Variants in USP22 observed in about 807,000 individuals in gnomAD.
The protein encoded by USP22 is ubiquitin carboxyl-terminal hydrolase 22.
A neutral mutation model predicts 68.1 loss-of-function variants in USP22; 22 were observed. The ratio of observed to expected loss-of-function variants is 0.32; its 90% confidence interval spans 0.23 to 0.46. The LOEUF (loss-of-function observed/expected upper bound fraction) is 0.46, where lower values mean the gene tolerates loss of function less well. USP22 is among the 20% of genes least tolerant of loss of function. The pLI is 1.00. For synonymous variants in USP22, 279 were observed against 274.2 expected, an observed-to-expected ratio of 1.02 and a Z score of -0.17; for missense variants, 433 against 695.8, an observed-to-expected ratio of 0.62 and a Z score of 4.25.
intron 10 of USP22, chr17:21,006,677 G>T (rs75568568): frequency 0.19 from 47,657 of 252,500 alleles, 5,314 homozygotes; most frequent in South Asian, 0.23. Flanking sequence ...GCTAATTTTT[G>T]TATTTTTAGT....
At chr17:21,012,331 C>A (rs1479261043) in intron 7 of USP22, among the ~76,000 whole-genome samples, 3 of 152,128 alleles carry the variant, frequency 2.0e-5, no homozygotes. Context: ...CCTGACCTAA[C>A]AAAGCAATGG....
rs1455682051 is a variant in USP22 at position 21,037,939 on chromosome 17, C to T, written c.171+4726G>A. On this transcript the variant is annotated intron_variant, in intron 1 of 12. Transcript: ENST00000261497. Reference sequence around the variant, plus strand: ...ACAGGATTACTCTATTTTCTTACACCAGTATGTCAATCTACAATGACCTCA... The same window carrying T: ...ACAGGATTACTCTATTTTCTTACACTAGTATGTCAATCTACAATGACCTCA... Among the ~76,000 whole-genome samples, 5 of 152,124 alleles carry T rather than the reference C, an allele frequency of 3.3e-5. No homozygotes were observed. The East Asian group carries it at 9.6e-4, about 29-fold the overall frequency.
At chr17:21,013,082 G>A (rs1330759065) in intron 6 of USP22, 147 bp from the exon 7 acceptor site, 5 of 601,702 alleles carry the variant, frequency 8.3e-6, no homozygotes, top group East Asian at 5.6e-5. Context: ...TTTAGCAGAG[G>A]GTGTCCTTGT....
At chr17:21,013,083 G>C (rs571220259) in intron 6 of USP22, 148 bp from the exon 7 acceptor site, 3 of 604,928 alleles carry the variant, frequency 5.0e-6, no homozygotes, top group Non-Finnish European at 8.7e-6. Flanking sequence ...TTAGCAGAGG[G>C]TGTCCTTGTT....
At position 21,001,284 on chromosome 17, in the gene USP22, G is replaced by A. The variant is rs1913568237; in HGVS notation, c.*1747C>T. 6.6e-6 allele frequency: 1 copy of A among 152,162 alleles called. No individual in the cohort carries two copies. Among genetic ancestry groups the A allele is most frequent in the African/African-American group, 2.4e-5 (1 of 41,414 alleles). The allele number at this position is 152,162 out of a possible 1,614,324, so 9.4% of individuals were successfully genotyped here. A position where few individuals can be genotyped will look rare whatever the true frequency, so the allele number is the denominator to read the frequency against. ...CCTCAGGCTTCTGCCACACATGATG[G>A]TTCTGCGGGCTGTGATTGCCAAGTC... On this transcript the variant is annotated 3_prime_UTR_variant, in exon 13 of 13. Coordinates refer to ENST00000261497, the MANE Select transcript of USP22 (RefSeq NM_015276.2).
At chr17:21,020,256 A>AAAAAAAAAAAAAAAAAAAG (rs1972138244) in intron 3 of USP22, among the ~76,000 whole-genome samples, 2 of 148,330 alleles carry the variant, frequency 1.3e-5, no homozygotes, top group Non-Finnish European at 3.0e-5. Context: ...AAAAAAAAAA[A>AAAAAAAAAAAAAAAAAAAG]AAAAAAAAAA....
intron 12 of USP22, 51 bp downstream of exon 12, chr17:21,004,151 G>T (rs2143506947): frequency 1.3e-6 from 2 of 1,597,888 alleles, no homozygotes; most frequent in Middle Eastern, 1.8e-4. Flanking sequence ...TATACCGGAG[G>T]GGAAGCACCG....
intron 1 of USP22, among the ~76,000 whole-genome samples, chr17:21,039,194 G>T (rs1597703196): frequency 6.6e-6 from 1 of 151,430 alleles, no homozygotes; most frequent in Non-Finnish European, 1.5e-5. Context: ...CTCGTGATCC[G>T]CCCGCCTCGG....
At chr17:21,040,437 C>A (rs1401646584) in intron 1 of USP22, among the ~76,000 whole-genome samples, 2 of 152,204 alleles carry the variant, frequency 1.3e-5, no homozygotes, top group Non-Finnish European at 2.9e-5. Context: ...GGCACACTGC[C>A]AACTGGCACT....
intron 10 of USP22, among the ~76,000 whole-genome samples, chr17:21,006,281 T>C (rs548278385): frequency 4.9e-4 from 74 of 152,206 alleles, no homozygotes; most frequent in Non-Finnish European, 8.8e-4. Flanking sequence ...CAAAACCAAC[T>C]ATGTCTGCCT....
chr17:21,002,923 A>G lies in USP22; in HGVS notation c.*108T>C. 1 of 1,353,140 alleles carries G rather than the reference A, an allele frequency of 7.4e-7. No individual in the cohort carries two copies. The highest frequency in any genetic ancestry group is 1.0e-6 in the Non-Finnish European group (1 of 969,398). The allele number at this position is 1,353,140 out of a possible 1,614,324, so 83.8% of individuals were successfully genotyped here. A position where few individuals can be genotyped will look rare whatever the true frequency, so the allele number is the denominator to read the frequency against. On this transcript the variant is annotated 3_prime_UTR_variant, in exon 13 of 13. Coordinates refer to ENST00000261497, the MANE Select transcript of USP22 (RefSeq NM_015276.2). ...CATCTGCATGGGAGGTGGTGTCACC[A>G]GGCCGGGGAGGCGGCGGGAGACTTG...
At chr17:21,003,301 G>A (rs1913656436) in intron 12 of USP22, among the ~76,000 whole-genome samples, 2 of 152,148 alleles carry the variant, frequency 1.3e-5, no homozygotes, top group Admixed American at 1.3e-4. Flanking sequence ...CCTGCCACGA[G>A]GTCACCCATT....
At chr17:21,015,191 C>G (rs145344690) in intron 6 of USP22, among the ~76,000 whole-genome samples, 114 of 152,344 alleles carry the variant, frequency 7.5e-4, no homozygotes, top group African/African-American at 2.7e-3. Flanking sequence ...CCACACAACT[C>G]TGAAAAATCA....
At chr17:21,041,443 C>G (rs1429551030) in intron 1 of USP22, among the ~76,000 whole-genome samples, 1 of 151,750 alleles carries the variant, frequency 6.6e-6, no homozygotes, top group African/African-American at 2.4e-5. Flanking sequence ...ACTAAAAATA[C>G]AAAAATTAGC....
intron 2 of USP22, among the ~76,000 whole-genome samples, chr17:21,024,461 T>C (rs1039888462): frequency 3.9e-5 from 6 of 152,168 alleles, no homozygotes; most frequent in African/African-American, 1.4e-4. Flanking sequence ...ATAGGGTATC[T>C]CTGTAACAAA....
chr17:21,010,571 G>C (rs768194837), intron 8 of USP22, among the ~76,000 whole-genome samples: 4 of 100,722 alleles, frequency 4.0e-5, no homozygotes, highest in Non-Finnish European at 7.8e-5. Flanking sequence ...CAGCTACTCA[G>C]GAGAATCACT....
rs72840104 is a variant in USP22, at chr17:21,006,074, A to G, written c.1322+822T>C. 7.6e-3 allele frequency among the ~76,000 whole-genome samples: 1,162 copies of G among 152,350 alleles called. 15 individuals carry two copies. The highest frequency in any genetic ancestry group is 0.015 in the Admixed American group (233 of 15,308). On this transcript the variant is annotated intron_variant, in intron 10 of 12. Transcript: ENST00000261497. ...GGAATCCCCAAGACCCTTGTAGGACATGGAGCCCTGCCAACACCTTGATTT... is the reference window on the plus strand; with the variant it reads ...GGAATCCCCAAGACCCTTGTAGGACGTGGAGCCCTGCCAACACCTTGATTT...
chr17:21,008,519 G>C (rs1042224469), intron 8 of USP22, among the ~76,000 whole-genome samples: 1 of 152,178 alleles, frequency 6.6e-6, no homozygotes, highest in Non-Finnish European at 1.5e-5. Context: ...AATCTCAAAG[G>C]GTTCCGTTAT....
At chr17:21,005,671 AC>A (rs1374706578) in intron 10 of USP22, among the ~76,000 whole-genome samples, 6 of 152,288 alleles carry the variant, frequency 3.9e-5, no homozygotes, top group African/African-American at 1.4e-4. Context: ...CAGGGGTGGG[AC>A]AGCCATGAGA....
Sources: gnomAD v4.1 joint callset for allele counts (sites outside exome capture counted in the v4.1 genomes callset) on GRCh38, gnomAD v4.1.1 for gene constraint, MANE v1.5 for transcripts, NCBI Gene and HGNC (gene_info 2026-07-23, HGNC 2026-07-21) for gene names.